DLG2: variants seen among roughly 807,000 people sequenced by gnomAD.
DLG2 encodes discs large MAGUK scaffold protein 2, also known as disks large homolog 2.
DLG2 carries 45 observed loss-of-function variants against 132.5 expected under a neutral mutation model. That is an observed-to-expected ratio of 0.34 (90% CI 0.27 to 0.44). The LOEUF (loss-of-function observed/expected upper bound fraction) is 0.44, where lower values mean the gene tolerates loss of function less well. Ranked by LOEUF, DLG2 falls within the 20% of genes least tolerant of loss-of-function variation. The pLI, the probability that DLG2 is intolerant of heterozygous loss-of-function variation, is 1.00. For missense variants in DLG2, 1,045 were observed against 1,196.9 expected, an observed-to-expected ratio of 0.87 and a Z score of 1.87; for synonymous variants, 424 against 419.6, an observed-to-expected ratio of 1.01 and a Z score of -0.13.
intron 8 of DLG2, among the ~76,000 whole-genome samples, chr11:84,233,476 G>A (rs900267880): frequency 1.3e-5 from 2 of 152,128 alleles, no homozygotes; most frequent in Non-Finnish European, 1.5e-5. Flanking sequence ...GCTAGCTGGG[G>A]GCCAGGCATG....
At chr11:84,494,106 C>T (rs1603224992) in intron 7 of DLG2, among the ~76,000 whole-genome samples, 1 of 152,154 alleles carries the variant, frequency 6.6e-6, no homozygotes, top group Non-Finnish European at 1.5e-5. Flanking sequence ...TTATATGTTT[C>T]AATACCCATC....
intron 18 of DLG2, among the ~76,000 whole-genome samples, chr11:83,701,616 C>T (rs2082956579): frequency 6.6e-6 from 1 of 152,164 alleles, no homozygotes; most frequent in Admixed American, 6.5e-5. Flanking sequence ...AAGAAGTCAA[C>T]ATCAGTTATA....
intron 8 of DLG2, among the ~76,000 whole-genome samples, chr11:84,212,688 C>CT (rs2154312730): frequency 6.6e-6 from 1 of 152,328 alleles, no homozygotes; most frequent in African/African-American, 2.4e-5. Context: ...AGACAAGAGT[C>CT]TCGCTCTGTT....
chr11:83,726,286 T>C (rs1282696020), intron 18 of DLG2, among the ~76,000 whole-genome samples: 1 of 152,158 alleles, frequency 6.6e-6, no homozygotes, highest in Non-Finnish European at 1.5e-5. Flanking sequence ...AGGGCTTCCC[T>C]CGATGGGATT....
At chr11:84,139,472 A>C (rs1325000589) in intron 9 of DLG2, among the ~76,000 whole-genome samples, 1 of 152,146 alleles carries the variant, frequency 6.6e-6, no homozygotes, top group East Asian at 1.9e-4. Context: ...CAAGGCCTAT[A>C]ACATGAATAG....
chr11:83,806,995 G>T (rs1317346978), intron 17 of DLG2, among the ~76,000 whole-genome samples: 2 of 152,298 alleles, frequency 1.3e-5, no homozygotes, highest in East Asian at 3.9e-4. Context: ...ACTTTTGTGG[G>T]AAGTATTAGG....
intron 7 of DLG2, among the ~76,000 whole-genome samples, chr11:84,307,711 A>AAAAAAAAAAAAAAAAAAAAAAAAAAG (rs1567239166): frequency 2.0e-5 from 3 of 150,874 alleles, no homozygotes; most frequent in African/African-American, 7.3e-5. Context: ...AAAAAAAAAA[A>AAAAAAAAAAAAAAAAAAAAAAAAAAG]AAAAAGAAGC....
At position 84,956,420 on chromosome 11, in the gene DLG2, G is replaced by C. The variant is rs1323777773; in HGVS notation, c.357+155241C>G. ...TATTCACAGTCCTGCCACAAGAGAA[G>C]TAAACAGTTCAGATTTGAACCAGGT... On this transcript the variant is annotated intron_variant, in intron 6 of 27. Coordinates refer to ENST00000376104, the MANE Select transcript of DLG2 (RefSeq NM_001142699.3). 2.0e-5 allele frequency among the ~76,000 whole-genome samples: 3 copies of C among 152,182 alleles called. No individual in the cohort carries two copies. The East Asian group carries it at 5.8e-4, about 29-fold the overall frequency.
At chr11:84,183,750 G>A (rs184209037) in intron 8 of DLG2, among the ~76,000 whole-genome samples, 71 of 151,796 alleles carry the variant, frequency 4.7e-4, no homozygotes, top group South Asian at 6.3e-4. Context: ...AACAGGCCCC[G>A]GTGTGTGATG....
intron 19 of DLG2, among the ~76,000 whole-genome samples, chr11:83,623,336 T>C (rs1361068355): frequency 6.6e-6 from 1 of 152,230 alleles, no homozygotes; most frequent in African/African-American, 2.4e-5. Flanking sequence ...CAGTAAACCA[T>C]TTGCAAGCCA....
chr11:85,034,053 C>G (rs1037172298), intron 6 of DLG2, among the ~76,000 whole-genome samples: 2 of 151,150 alleles, frequency 1.3e-5, no homozygotes, highest in African/African-American at 4.9e-5. Flanking sequence ...TGGGGTCCAG[C>G]TAGTATTGTC....
At chr11:83,790,164 A>T in intron 17 of DLG2, 1 of 864,814 alleles carries the variant, frequency 1.2e-6, no homozygotes, top group Non-Finnish European at 1.8e-6. Flanking sequence ...GACCTTGAAT[A>T]ACAAAAAGTT....
chr11:83,792,669 C>T (rs986450460), intron 17 of DLG2, among the ~76,000 whole-genome samples: 7 of 152,154 alleles, frequency 4.6e-5, no homozygotes, highest in South Asian at 4.2e-4. Context: ...ATATTTCTTC[C>T]GATTAATCTC....
At chr11:85,318,594 A>G (rs1244677230) in intron 3 of DLG2, among the ~76,000 whole-genome samples, 1 of 151,856 alleles carries the variant, frequency 6.6e-6, no homozygotes, top group African/African-American at 2.4e-5. Context: ...GTTGAAATGT[A>G]AGGGAAGGGA....
At chr11:85,395,844 G>C (rs146989631) in intron 3 of DLG2, among the ~76,000 whole-genome samples, 1 of 152,196 alleles carries the variant, frequency 6.6e-6, no homozygotes, top group Non-Finnish European at 1.5e-5. Context: ...GGGCATATCT[G>C]AACAAAAGGC....
chr11:85,323,925 C>A (rs1377980358), intron 3 of DLG2, among the ~76,000 whole-genome samples: 1 of 152,154 alleles, frequency 6.6e-6, no homozygotes, highest in Non-Finnish European at 1.5e-5. Context: ...TGCCAATTCA[C>A]CACAGGTGGC....
At chr11:84,983,461 A>C (rs1432100878) in intron 6 of DLG2, among the ~76,000 whole-genome samples, 1 of 152,124 alleles carries the variant, frequency 6.6e-6, no homozygotes, top group Non-Finnish European at 1.5e-5. Flanking sequence ...TACATCAAGG[A>C]AACACCTCAT....
intron 20 of DLG2, among the ~76,000 whole-genome samples, chr11:83,535,789 A>G (rs960147498): frequency 1.3e-5 from 2 of 152,188 alleles, no homozygotes; most frequent in African/African-American, 4.8e-5. Context: ...CTGAAGTTGC[A>G]ACATATAATT....
intron 6 of DLG2, among the ~76,000 whole-genome samples, chr11:84,767,795 T>C (rs994332583): frequency 3.3e-5 from 5 of 151,996 alleles, no homozygotes; most frequent in Non-Finnish European, 7.4e-5. Flanking sequence ...CCAGAGTAGG[T>C]AGCTTATATT....
Sources: allele counts gnomAD v4.1 joint callset (sites outside exome capture counted in the v4.1 genomes callset), GRCh38; gene constraint gnomAD v4.1.1; transcripts MANE v1.5; gene names NCBI Gene and HGNC (gene_info 2026-07-23, HGNC 2026-07-21).